Variants in NRG1 observed in about 807,000 individuals in gnomAD.
NRG1 encodes pro-neuregulin-1, membrane-bound isoform.
NRG1 carries 18 observed loss-of-function variants against 63.8 expected under a neutral mutation model. The observed-to-expected ratio is 0.28, with a 90% confidence interval of 0.19 to 0.42. The LOEUF (loss-of-function observed/expected upper bound fraction) is 0.42, where lower values mean the gene tolerates loss of function less well. Among genes scored for constraint, NRG1 ranks in the 10% least tolerant of loss-of-function variants. The pLI is 1.00. For missense variants in NRG1, 762 were observed against 814.7 expected (o/e 0.94, Z 0.79); for synonymous variants, 302 against 301.3 (o/e 1.00, Z -0.02).
At chr8:32,301,745 G>A (rs553484257) in intron 1 of NRG1, among the ~76,000 whole-genome samples, 49 of 152,206 alleles carry the variant, frequency 3.2e-4, no homozygotes, top group Non-Finnish European at 6.3e-4. Flanking sequence ...AGACTCATTC[G>A]CTATCATGAG....
intron 1 of NRG1, among the ~76,000 whole-genome samples, chr8:32,317,318 C>A (rs1446385787): frequency 6.6e-6 from 1 of 152,142 alleles, no homozygotes; most frequent in Non-Finnish European, 1.5e-5. Context: ...AACTTACTGG[C>A]CCTGCTAAAC....
chr8:31,640,764 G>T lies in NRG1; in HGVS notation c.37+1333G>T. The T allele has an allele frequency of 6.8e-7, 1 of 1,464,358 alleles. No homozygotes were observed. The highest frequency in any genetic ancestry group is 9.0e-7 in the Non-Finnish European group (1 of 1,105,758). 90.7% of individuals were successfully genotyped at this position (1,464,358 alleles called of 1,614,324 possible). On this transcript the variant is annotated intron_variant, in intron 1 of 10. Transcript: ENST00000519301. This position sits in a 1 kb window ranked among gnomAD's most constrained non-coding sequence, Gnocchi z 6.3. ...TCGCCCTTGGGGGCGCGAACCCGCG[G>T]CGAGGAGGGCGCATCCCGGGCGCGC...
intron 1 of NRG1, among the ~76,000 whole-genome samples, chr8:32,462,552 T>C (rs1280775505): frequency 6.6e-6 from 1 of 151,340 alleles, no homozygotes; most frequent in Admixed American, 6.6e-5. Flanking sequence ...TATTATTTAC[T>C]ATAATCTTTC....
chr8:32,409,451 A>G (rs930858323), intron 1 of NRG1, among the ~76,000 whole-genome samples: 6 of 152,222 alleles, frequency 3.9e-5, no homozygotes, highest in African/African-American at 1.4e-4. Flanking sequence ...AAAAGATATA[A>G]TCAACAAAGT....
intron 1 of NRG1, among the ~76,000 whole-genome samples, chr8:32,484,687 A>G (rs538570758): frequency 1.3e-5 from 2 of 152,158 alleles, no homozygotes; most frequent in East Asian, 1.9e-4. Flanking sequence ...TTCTCAGCTT[A>G]GAAAAGGGGC....
rs527951248 is a variant in NRG1, at chr8:31,816,523, G to A, written c.37+177092G>A. Among the ~76,000 whole-genome samples the A allele has an allele frequency of 3.9e-5, 6 of 152,192 alleles. 1 individual carries two copies. In the South Asian group the frequency reaches 6.2e-4, roughly 16 times the overall value. ...TGAATTTCCATATTATTAATGCCTC[G>A]TGACCAAGATGTCCTGACACATTTA... On this transcript the variant is annotated intron_variant, in intron 1 of 10. Transcript: ENST00000519301.
chr8:32,050,857 G>A (rs559278082), intron 1 of NRG1, among the ~76,000 whole-genome samples: 5 of 152,148 alleles, frequency 3.3e-5, no homozygotes, highest in Non-Finnish European at 7.4e-5. Flanking sequence ...CATGGGGAAT[G>A]ATTTAAGCTG....
At chr8:32,279,978 C>T (rs1269513841) in intron 1 of NRG1, among the ~76,000 whole-genome samples, 8 of 152,200 alleles carry the variant, frequency 5.3e-5, no homozygotes, top group Non-Finnish European at 8.8e-5. Context: ...TCTGTTAGGA[C>T]AGTGCCCAGA....
At chr8:31,931,771 G>A (rs419220) in intron 1 of NRG1, among the ~76,000 whole-genome samples, 127,931 of 151,802 alleles carry the variant, frequency 0.84, 54,713 homozygotes, top group Non-Finnish European at 0.91. Context: ...CTGCAGACTC[G>A]GGCTGTTCTG....
intron 1 of NRG1, among the ~76,000 whole-genome samples, chr8:32,037,010 G>T (rs543124059): frequency 2.0e-5 from 3 of 152,160 alleles, no homozygotes; most frequent in Non-Finnish European, 4.4e-5. Context: ...AGGAGAAGAG[G>T]CACTCTGGCT....
Position 31,873,446 on chromosome 8 carries a change from C to T in NRG1, c.37+234015C>T, listed in dbSNP as rs1829659310. On this transcript the variant is annotated intron_variant, in intron 1 of 10. Transcript: ENST00000519301. ...TGGTGGCGTGCGCCTATAATCCCAG[C>T]AACTTGTGAGGCTGAGGCAGGAGAA... Among the ~76,000 whole-genome samples the T allele has an allele frequency of 3.3e-5, 5 of 152,114 alleles. No individual in the cohort carries two copies. In the South Asian group the frequency reaches 1.0e-3, roughly 32 times the overall value.
chr8:31,826,286 A>G (rs1327337734), intron 1 of NRG1, among the ~76,000 whole-genome samples: 3 of 152,108 alleles, frequency 2.0e-5, no homozygotes, highest in African/African-American at 4.8e-5. Context: ...CCAAATCTCT[A>G]CTTGAACTGT....
chr8:32,164,578 C>T (rs577239084), intron 1 of NRG1, among the ~76,000 whole-genome samples: 1 of 150,636 alleles, frequency 6.6e-6, no homozygotes, highest in Admixed American at 6.6e-5. Context: ...TGAAAAACTG[C>T]CATCTACACA....
intron 1 of NRG1, among the ~76,000 whole-genome samples, chr8:32,247,208 T>C (rs1355248230): frequency 6.6e-6 from 1 of 152,116 alleles, no homozygotes; most frequent in Non-Finnish European, 1.5e-5. Flanking sequence ...CTGAAACTTA[T>C]GACTCATGTG....
At position 32,027,467 on chromosome 8, in the gene NRG1, TC is replaced by T. The variant is rs1239840658; in HGVS notation, c.37+388039del. Among the ~76,000 whole-genome samples the T allele has an allele frequency of 5.3e-4, 60 of 113,570 alleles. 1 individual carries two copies. The highest frequency in any genetic ancestry group is 1.1e-3 in the Admixed American group (12 of 10,938). 74.5% of individuals were successfully genotyped at this position (113,570 alleles called of 152,430 possible). On this transcript the variant is annotated intron_variant, in intron 1 of 10. Coordinates refer to the NRG1 transcript ENST00000519301. ...TTCCTTCCTTCCTTCCTTCCTTCCT[TC>T]CCTCCCTCCCTCCCTCCCTAATCTA...
chr8:31,946,339 G>C (rs1045512746), intron 1 of NRG1, among the ~76,000 whole-genome samples: 4 of 152,164 alleles, frequency 2.6e-5, no homozygotes, highest in African/African-American at 9.7e-5. Context: ...GATGAGAAGA[G>C]ATAGACTCAG....
chr8:32,536,167 T>C (rs1831945704), intron 1 of NRG1, among the ~76,000 whole-genome samples: 2 of 152,296 alleles, frequency 1.3e-5, no homozygotes, highest in South Asian at 4.1e-4. Context: ...GTTCTTAGGG[T>C]CTCACCAGGC....
At chr8:31,802,164 C>T (rs1340124445) in intron 1 of NRG1, among the ~76,000 whole-genome samples, 1 of 152,164 alleles carries the variant, frequency 6.6e-6, no homozygotes, top group African/African-American at 2.4e-5. Context: ...TATACTCTTG[C>T]TTTTAGTCGT....
chr8:32,200,325 C>T (rs1400302995), intron 1 of NRG1, among the ~76,000 whole-genome samples: 1 of 152,130 alleles, frequency 6.6e-6, no homozygotes, highest in East Asian at 1.9e-4. Flanking sequence ...TACTGAATTT[C>T]CAAGAGTGCT....
Sources: gnomAD v4.1 joint callset for allele counts (sites outside exome capture counted in the v4.1 genomes callset) on GRCh38, gnomAD v4.1.1 for gene constraint, Gnocchi (gnomAD v3.1) non-coding constraint, MANE v1.5 for transcripts, NCBI Gene and HGNC (gene_info 2026-07-23, HGNC 2026-07-21) for gene names.